The following TP63 variants were observed in gnomAD, a reference collection of about 807,000 sequenced individuals.
TP63 encodes the protein tumor protein p63.
A neutral mutation model predicts 82.8 loss-of-function variants in TP63; 17 were observed. That is an observed-to-expected ratio of 0.21 (90% CI 0.14 to 0.31). The LOEUF (loss-of-function observed/expected upper bound fraction) is 0.31. Ranked by LOEUF, TP63 falls within the 10% of genes least tolerant of loss-of-function variation. The probability of loss-of-function intolerance (pLI) is 1.00; values close to 1 mark genes in which losing one functional copy is unlikely to be tolerated. For missense variants in TP63, 648 were observed against 895.3 expected (o/e 0.72, Z 3.52); for synonymous variants, 330 against 321.7 (o/e 1.03, Z -0.28).
At chr3:189,768,504 A>G (rs1392018343) in intron 3 of TP63, among the ~76,000 whole-genome samples, 1 of 152,172 alleles carries the variant, frequency 6.6e-6, no homozygotes, top group African/African-American at 2.4e-5. Flanking sequence ...CCACCTCCAG[A>G]TAATCATTAC....
intron 1 of TP63, among the ~76,000 whole-genome samples, chr3:189,673,880 C>G (rs76440101): frequency 0.039 from 5,975 of 152,062 alleles, 147 homozygotes; most frequent in Middle Eastern, 0.054. Flanking sequence ...TTGGCATAAA[C>G]CCTGAACTTA....
intron 4 of TP63, chr3:189,829,990 G>A (rs190786647): frequency 1.5e-4 from 42 of 284,762 alleles, no homozygotes; most frequent in African/African-American, 8.2e-4. Flanking sequence ...ATTGTACATC[G>A]GATGAGCTGT....
intron 1 of TP63, among the ~76,000 whole-genome samples, chr3:189,713,701 TATAAC>T (rs543673385): frequency 1.9e-4 from 29 of 152,306 alleles, no homozygotes; most frequent in South Asian, 1.7e-3. Flanking sequence ...CTTTTTAACT[TATAAC>T]ATTATATTAG....
Position 189,689,098 on chromosome 3 carries a change from C to CTTTTTTTTTTTTTTTTTTTTTTTTT in TP63, c.63-48637_63-48636insTTTTTTTTTTTTTTTTTTTTTTTTT, listed in dbSNP as rs1383931117. On this transcript the variant is annotated intron_variant, in intron 1 of 13. Transcript: ENST00000264731. ...CAGAGTGGCCAGCATTCAAATCTACCTTTTTCTTTTTTTTTTTTTTTTTTT... is the reference window on the plus strand; with the variant it reads ...CAGAGTGGCCAGCATTCAAATCTACCTTTTTTTTTTTTTTTTTTTTTTTTTTTTTTCTTTTTTTTTTTTTTTTTTT... Among the ~76,000 whole-genome samples the CTTTTTTTTTTTTTTTTTTTTTTTTT allele has an allele frequency of 1.1e-4, 9 of 85,140 alleles. 4 individuals are homozygous for CTTTTTTTTTTTTTTTTTTTTTTTTT. The highest frequency in any genetic ancestry group is 1.7e-4 in the African/African-American group (4 of 23,182). 55.9% of individuals were successfully genotyped at this position (85,140 alleles called of 152,430 possible).
intron 4 of TP63, among the ~76,000 whole-genome samples, chr3:189,841,692 C>A (rs184190212): frequency 6.6e-6 from 1 of 152,200 alleles, no homozygotes; most frequent in African/African-American, 2.4e-5. Flanking sequence ...GGTTTCTGAA[C>A]GTGTTTCTGT....
chr3:189,748,267 C>T (rs1721524990), intron 3 of TP63, among the ~76,000 whole-genome samples: 1 of 151,768 alleles, frequency 6.6e-6, no homozygotes, highest in Non-Finnish European at 1.5e-5. Context: ...TTTGTCTTTG[C>T]TGATGATGTA....
intron 1 of TP63, among the ~76,000 whole-genome samples, chr3:189,659,597 G>A (rs1002324097): frequency 6.6e-6 from 1 of 151,920 alleles, no homozygotes; most frequent in African/African-American, 2.4e-5. Context: ...TTGCTGGGTC[G>A]AATGGTAGTT....
In TP63 at chr3:189,895,304, G is replaced by A. The variant is rs1202255721; in HGVS notation, c.*802G>A. On this transcript the variant is annotated 3_prime_UTR_variant, in exon 14 of 14. Coordinates refer to ENST00000264731, the MANE Select transcript of TP63 (RefSeq NM_003722.5). Reference sequence around the variant, plus strand: ...TTGGGAATGAGGAAAATTCTTAAAAGGCCCATAGCAGCCAGTTCAAAAACA... The same window carrying A: ...TTGGGAATGAGGAAAATTCTTAAAAAGCCCATAGCAGCCAGTTCAAAAACA... The A allele has an allele frequency of 9.1e-6, 2 of 220,070 alleles. No individual in the cohort carries two copies. Among genetic ancestry groups the A allele is most frequent in the Admixed American group, 5.8e-5 (1 of 17,326 alleles). The allele number at this position is 220,070 out of a possible 1,614,324, so 13.6% of individuals were successfully genotyped here.
chr3:189,868,895 C>T (rs1577148920), intron 8 of TP63, among the ~76,000 whole-genome samples, 179 bp downstream of exon 8: 1 of 152,176 alleles, frequency 6.6e-6, no homozygotes, highest in Non-Finnish European at 1.5e-5. Flanking sequence ...GCATGTACTA[C>T]AGCTTTACAA....
intron 3 of TP63, among the ~76,000 whole-genome samples, chr3:189,746,770 C>A (rs149533279): frequency 1.7e-4 from 25 of 150,288 alleles, no homozygotes; most frequent in African/African-American, 5.6e-4. Flanking sequence ...TAAAAAGACC[C>A]AACTATAATA....
chr3:189,692,975 T>C (rs1717064919), intron 1 of TP63, among the ~76,000 whole-genome samples: 1 of 152,164 alleles, frequency 6.6e-6, no homozygotes, highest in South Asian at 2.1e-4. Flanking sequence ...ACGAGTATTA[T>C]GAAAATCTTT....
chr3:189,672,707 A>AGGAAGGAC (rs1560100174), intron 1 of TP63, among the ~76,000 whole-genome samples: 1 of 142,614 alleles, frequency 7.0e-6, no homozygotes, highest in African/African-American at 2.5e-5. Context: ...GAAGGAAGGA[A>AGGAAGGAC]AGAAGGAAGG....
chr3:189,880,331 C>A, intron 10 of TP63: 2 of 1,290,442 alleles, frequency 1.5e-6, no homozygotes, highest in Non-Finnish European at 2.0e-6. Flanking sequence ...AGGCACAAAG[C>A]CACTAGTGAG....
the TP63 span, among the ~76,000 whole-genome samples, chr3:189,624,434 T>A: frequency 6.6e-6 from 1 of 152,186 alleles, no homozygotes; most frequent in African/African-American, 2.4e-5. Context: ...ATGAATCATA[T>A]GTCAATATAG....
chr3:189,714,036 ATT>A (rs1312335815), intron 1 of TP63, among the ~76,000 whole-genome samples: 1 of 152,178 alleles, frequency 6.6e-6, no homozygotes, highest in African/African-American at 2.4e-5. Flanking sequence ...CCTAAAAGCA[ATT>A]TAGACAAAGT....
At chr3:189,682,545 A>AT (rs1716022917) in intron 1 of TP63, among the ~76,000 whole-genome samples, 2 of 71,252 alleles carry the variant, frequency 2.8e-5, no homozygotes, top group African/African-American at 1.2e-4. Flanking sequence ...GGAAAAAAAA[A>AT]AAAAAAAAAT....
At chr3:189,712,341 C>G (rs572141052) in intron 1 of TP63, among the ~76,000 whole-genome samples, 54 of 152,208 alleles carry the variant, frequency 3.5e-4, no homozygotes, top group African/African-American at 1.3e-3. Flanking sequence ...TGAAGATTAG[C>G]TAGGTTATTA....
At chr3:189,601,885 G>A in the TP63 span, among the ~76,000 whole-genome samples, 1 of 152,156 alleles carries the variant, frequency 6.6e-6, no homozygotes, top group Non-Finnish European at 1.5e-5. Flanking sequence ...CTGAAGATGG[G>A]ATTGGAAAGA....
intron 10 of TP63, among the ~76,000 whole-genome samples, chr3:189,876,067 A>T (rs1353117219): frequency 1.3e-5 from 2 of 152,128 alleles, no homozygotes; most frequent in South Asian, 2.1e-4. Context: ...TTAATGGTGA[A>T]TTTCTAACCT....
Sources: allele counts gnomAD v4.1 joint callset (sites outside exome capture counted in the v4.1 genomes callset), GRCh38; gene constraint gnomAD v4.1.1; transcripts MANE v1.5; gene names NCBI Gene and HGNC (gene_info 2026-07-23, HGNC 2026-07-21).